LRRC8D: variants seen among roughly 807,000 people sequenced by gnomAD.
LRRC8D encodes the protein leucine rich repeat containing 8 VRAC subunit D.
LRRC8D carries 20 observed loss-of-function variants against 55.8 expected under a neutral mutation model. That is an observed-to-expected ratio of 0.36 (90% CI 0.25 to 0.52). LRRC8D has a LOEUF of 0.52. Among genes scored for constraint, LRRC8D ranks in the 20% least tolerant of loss-of-function variants. The probability of loss-of-function intolerance (pLI) is 0.93; values close to 1 mark genes in which losing one functional copy is unlikely to be tolerated. For missense variants in LRRC8D, 651 were observed against 1,030.8 expected (o/e 0.63, Z 5.05); for synonymous variants, 352 against 377.0 (o/e 0.93, Z 0.77).
intron 2 of LRRC8D, among the ~76,000 whole-genome samples, chr1:89,917,758 T>A (rs1216115405): frequency 6.6e-6 from 1 of 152,158 alleles, no homozygotes; most frequent in Non-Finnish European, 1.5e-5. Flanking sequence ...TGAGGGGCTG[T>A]CTTTAAGAAA....
intron 2 of LRRC8D, among the ~76,000 whole-genome samples, chr1:89,892,427 T>G (rs1170624392): frequency 6.6e-6 from 1 of 152,198 alleles, no homozygotes; most frequent in African/African-American, 2.4e-5. Context: ...TGGGATAAGG[T>G]AGGACCAAGT....
chr1:89,877,232 C>T (rs1296757048), intron 2 of LRRC8D, among the ~76,000 whole-genome samples: 1 of 144,212 alleles, frequency 6.9e-6, no homozygotes, highest in African/African-American at 2.6e-5. Context: ...CTCTCTCTCT[C>T]TTTTTTTTTT....
intron 2 of LRRC8D, among the ~76,000 whole-genome samples, chr1:89,910,219 G>A (rs1164029672): frequency 6.6e-6 from 1 of 152,194 alleles, no homozygotes; most frequent in East Asian, 1.9e-4. Flanking sequence ...ACACTTACTG[G>A]AGGACTGTTC....
At chr1:89,824,223 G>T (rs1188729668) in intron 1 of LRRC8D, among the ~76,000 whole-genome samples, 4 of 152,148 alleles carry the variant, frequency 2.6e-5, no homozygotes, top group Admixed American at 6.5e-5. Context: ...TTAGATCTCA[G>T]AATAGGTCTT....
intron 1 of LRRC8D, among the ~76,000 whole-genome samples, chr1:89,830,008 A>T (rs1484609733): frequency 6.6e-6 from 1 of 152,208 alleles, no homozygotes; most frequent in Non-Finnish European, 1.5e-5. Context: ...TAGCTGAAAA[A>T]ACTGCTGTAA....
rs147446688 is a variant in LRRC8D, at chr1:89,850,337, C to T, written c.-3+6555C>T. ...CAAGTGTATACTACAAAGGTAAACT[C>T]GTGTCATGGGGGTTTGTTATACAGA... On this transcript the variant is annotated intron_variant, in intron 2 of 2. Coordinates refer to ENST00000337338, the MANE Select transcript of LRRC8D (RefSeq NM_001134479.2). Among the ~76,000 whole-genome samples the T allele has an allele frequency of 9.5e-4, 144 of 152,180 alleles. 1 individual carries two copies. Among genetic ancestry groups the T allele is most frequent in the East Asian group, 2.1e-3 (11 of 5,184 alleles).
rs1394538669 is a variant in LRRC8D at position 89,821,131 on chromosome 1, C to G, written c.-308C>G. 2 of 152,582 alleles carry G rather than the reference C, an allele frequency of 1.3e-5. No homozygotes were observed. The highest frequency in any genetic ancestry group is 2.9e-5 in the Non-Finnish European group (2 of 68,148). The allele number at this position is 152,582 out of a possible 1,614,324, so 9.5% of individuals were successfully genotyped here. On this transcript the variant is annotated 5_prime_UTR_variant, in exon 1 of 3. Transcript: ENST00000337338. ...GTGCCCCGGCTCCTCCGCCGCGCTT[C>G]GAGGTGGCAGCCGCGGGCGGGGCCG...
intron 1 of LRRC8D, among the ~76,000 whole-genome samples, chr1:89,834,806 G>A (rs868219999): frequency 2.0e-5 from 3 of 152,182 alleles, no homozygotes; most frequent in Non-Finnish European, 4.4e-5. Context: ...CTGAGGGAAC[G>A]TTGGAGCAGC....
intron 2 of LRRC8D, among the ~76,000 whole-genome samples, chr1:89,907,299 C>G (rs1335163954): frequency 6.9e-6 from 1 of 144,212 alleles, no homozygotes. Flanking sequence ...TCAGGCGATT[C>G]TCCTGCCTAG....
chr1:89,931,027 T>C (rs1229696521), intron 2 of LRRC8D, among the ~76,000 whole-genome samples: 40 of 145,300 alleles, frequency 2.8e-4, no homozygotes, highest in African/African-American at 9.8e-4. Flanking sequence ...TTTTTTTTTT[T>C]ACAAAGACTG....
chr1:89,883,055 A>G (rs1172107834), intron 2 of LRRC8D, among the ~76,000 whole-genome samples: 1 of 152,198 alleles, frequency 6.6e-6, no homozygotes, highest in East Asian at 1.9e-4. Context: ...AGAGCTGGGC[A>G]TGGTGATGCC....
intron 2 of LRRC8D, among the ~76,000 whole-genome samples, chr1:89,850,693 A>G (rs1661390310): frequency 6.6e-6 from 1 of 152,204 alleles, no homozygotes; most frequent in African/African-American, 2.4e-5. Flanking sequence ...CCAGCCTGTC[A>G]TTGATGGACA....
At chr1:89,880,775 CTAT>C (rs1302656700) in intron 2 of LRRC8D, among the ~76,000 whole-genome samples, 1 of 152,114 alleles carries the variant, frequency 6.6e-6, no homozygotes, top group African/African-American at 2.4e-5. Context: ...TTGAACTGAT[CTAT>C]TCATTCTATT....
intron 1 of LRRC8D, among the ~76,000 whole-genome samples, chr1:89,839,752 G>A (rs1661088345): frequency 2.0e-5 from 2 of 101,258 alleles, no homozygotes; most frequent in African/African-American, 7.3e-5. Context: ...GGACACTGCT[G>A]TGAAGGCTGA....
At chr1:89,881,372 A>G (rs1444771815) in intron 2 of LRRC8D, among the ~76,000 whole-genome samples, 1 of 152,182 alleles carries the variant, frequency 6.6e-6, no homozygotes, top group Admixed American at 6.5e-5. Flanking sequence ...ATAGTCATCT[A>G]AAAAACGAAA....
chr1:89,899,405 C>T (rs1288185768), intron 2 of LRRC8D, among the ~76,000 whole-genome samples: 1 of 152,240 alleles, frequency 6.6e-6, no homozygotes, highest in Non-Finnish European at 1.5e-5. Flanking sequence ...TGTGCCATGT[C>T]TGGCTCTTTG....
intron 2 of LRRC8D, among the ~76,000 whole-genome samples, chr1:89,894,203 A>G (rs1028432407): frequency 6.6e-6 from 1 of 152,228 alleles, no homozygotes; most frequent in Non-Finnish European, 1.5e-5. Flanking sequence ...GCCCTCACCA[A>G]ACTCGGCTGT....
intron 2 of LRRC8D, among the ~76,000 whole-genome samples, chr1:89,923,361 A>G (rs1418287855): frequency 6.6e-6 from 1 of 152,256 alleles, no homozygotes; most frequent in Admixed American, 6.5e-5. Flanking sequence ...CTTGATAACC[A>G]TTTATAGCCA....
intron 2 of LRRC8D, among the ~76,000 whole-genome samples, chr1:89,882,007 C>T (rs933882271): frequency 6.6e-6 from 1 of 152,172 alleles, no homozygotes; most frequent in African/African-American, 2.4e-5. Flanking sequence ...GGGGCTGGGA[C>T]TCCTGAGGCC....
Sources: allele counts gnomAD v4.1 joint callset (sites outside exome capture counted in the v4.1 genomes callset), GRCh38; gene constraint gnomAD v4.1.1; transcripts MANE v1.5; gene names NCBI Gene and HGNC (gene_info 2026-07-23, HGNC 2026-07-21).